TSPAN1: variants seen among roughly 807,000 people sequenced by gnomAD.
TSPAN1 encodes the protein tetraspanin 1, also known as tetraspanin-1.
In TSPAN1, 23 loss-of-function variants were observed where a neutral mutation model predicts 26.9. That is an observed-to-expected ratio of 0.85 (90% confidence interval 0.62 to 1.21). The LOEUF is 1.21. Ranked by LOEUF, TSPAN1 falls within the 50% of genes most tolerant of loss-of-function variation. The pLI is 0.00. For missense variants in TSPAN1, 283 were observed against 298.4 expected (o/e 0.95, Z 0.38); for synonymous variants, 115 against 114.8 (o/e 1.00, Z -0.01).
At chr1:46,189,169 C>T (rs1249129038), downstream of TSPAN1, 2 of 1,524,632 alleles carry the variant, frequency 1.3e-6, no homozygotes, top group South Asian at 1.3e-5. Flanking sequence ...CAAGGTAGCC[C>T]CAGCCCCTAC....
downstream of TSPAN1, chr1:46,189,968 G>T: frequency 6.2e-7 from 1 of 1,614,176 alleles, no homozygotes; most frequent in Non-Finnish European, 8.5e-7. Context: ...GGTTCTTGCT[G>T]TGGTCCAGAA....
At chr1:46,194,613 G>C in the TSPAN1 span, 3 of 1,614,108 alleles carry the variant, frequency 1.9e-6, no homozygotes, top group African/African-American at 2.7e-5. Flanking sequence ...CAGGAAGAGA[G>C]GGCAGGTGAT....
At chr1:46,187,563 C>G (rs775446307), downstream of TSPAN1, among the ~76,000 whole-genome samples, 39 of 152,284 alleles carry the variant, frequency 2.6e-4, 1 homozygote, top group Middle Eastern at 0.034. Flanking sequence ...TCTGTGAGGG[C>G]CAGACCAGGA....
chr1:46,192,657 G>A, the TSPAN1 span: 3 of 1,604,462 alleles, frequency 1.9e-6, no homozygotes, highest in South Asian at 1.1e-5. Flanking sequence ...AGAGATGCTA[G>A]AATTGCTGGA....
downstream of TSPAN1, chr1:46,190,853 C>T: frequency 7.1e-7 from 1 of 1,418,102 alleles, no homozygotes; most frequent in East Asian, 2.3e-5. Flanking sequence ...GCTGACCAGC[C>T]AGACATCTAT....
In TSPAN1 at chr1:46,181,172, C is replaced by T. The variant is rs774271677; in HGVS notation, c.57+8C>T. ...TTCAATTTGCTCATCTTTGTAAGTACGGACATTGTGGACTCTTTGGGGCTC... is the reference window on the plus strand; with the variant it reads ...TTCAATTTGCTCATCTTTGTAAGTATGGACATTGTGGACTCTTTGGGGCTC... On this transcript the variant is annotated splice_region_variant and intron_variant, in intron 3 of 8. Coordinates refer to ENST00000372003, the MANE Select transcript of TSPAN1 (RefSeq NM_005727.4). 22 of 1,611,824 alleles carry T rather than the reference C, an allele frequency of 1.4e-5. No homozygotes were observed. In the African/African-American group the frequency reaches 1.5e-4, roughly 11 times the overall value.
chr1:46,195,947 T>C, the TSPAN1 span: 1 of 1,614,104 alleles, frequency 6.2e-7, no homozygotes, highest in Non-Finnish European at 8.5e-7. Context: ...ATACTTCTGG[T>C]GAGTTGGTGT....
chr1:46,191,922 C>T, the TSPAN1 span: 4 of 1,065,914 alleles, frequency 3.8e-6, no homozygotes, highest in Non-Finnish European at 5.4e-6. Context: ...GCGTGAGCCA[C>T]CGCGCCCAGC....
At chr1:46,180,902 T>C in intron 2 of TSPAN1, among the ~76,000 whole-genome samples, 198 bp from the exon 3 acceptor site, 1 of 151,902 alleles carries the variant, frequency 6.6e-6, no homozygotes, top group East Asian at 1.9e-4. Flanking sequence ...GTGGAGGTCC[T>C]GGGTAGTATA....
At chr1:46,196,212 A>C in the TSPAN1 span, 2 of 1,532,586 alleles carry the variant, frequency 1.3e-6, no homozygotes, top group Non-Finnish European at 1.8e-6. The surrounding 1 kb of genome is among the most constrained non-coding windows in gnomAD (Gnocchi z 4.4). Context: ...TTCTTTTCCA[A>C]CTCAGCTCGA....
chr1:46,193,485 G>A, the TSPAN1 span: 17 of 1,611,922 alleles, frequency 1.1e-5, no homozygotes, highest in Admixed American at 2.0e-4. Context: ...TTGCCTGGGC[G>A]GTCTCCCTTG....
At chr1:46,179,633 A>G (rs1657263563) in intron 1 of TSPAN1, among the ~76,000 whole-genome samples, 1 of 152,210 alleles carries the variant, frequency 6.6e-6, no homozygotes, top group South Asian at 2.1e-4. Context: ...TGGAGCAGGA[A>G]GCGGTCAGGC....
At chr1:46,185,446 T>C in intron 8 of TSPAN1, 40 bp from the exon 9 acceptor site, 1 of 1,613,500 alleles carries the variant, frequency 6.2e-7, no homozygotes, top group Non-Finnish European at 8.5e-7. Context: ...TCAGGATCCC[T>C]ATCATGTTCC....
chr1:46,189,859 C>A (rs749960797), downstream of TSPAN1: 75 of 1,613,702 alleles, frequency 4.6e-5, no homozygotes, highest in Non-Finnish European at 6.1e-5. Flanking sequence ...AGCACCTTGG[C>A]AAGCTGGGTC....
chr1:46,180,767 G>T (rs1482370208), intron 2 of TSPAN1, 109 bp downstream of exon 2: 2 of 344,730 alleles, frequency 5.8e-6, no homozygotes, highest in Non-Finnish European at 1.1e-5. Context: ...TGGGGTTAGT[G>T]TGGGGGGGAG....
At chr1:46,182,812 G>GT (rs1319274112) in intron 3 of TSPAN1, among the ~76,000 whole-genome samples, 2 of 150,778 alleles carry the variant, frequency 1.3e-5, no homozygotes. Context: ...TGTTGTTGTT[G>GT]TTGTTTGTTT....
Position 46,185,649 on chromosome 1 carries a change from T to C in TSPAN1, c.*116T>C. 1 of 1,205,278 alleles carries C rather than the reference T, an allele frequency of 8.3e-7. No individual in the cohort carries two copies. Among genetic ancestry groups the C allele is most frequent in the South Asian group, 1.3e-5 (1 of 75,148 alleles). The allele number at this position is 1,205,278 out of a possible 1,614,324, so 74.7% of individuals were successfully genotyped here. A position where few individuals can be genotyped will look rare whatever the true frequency, so the allele number is the denominator to read the frequency against. ...TCTAACAATGTCACTTGGGCCAGAA[T>C]GGACCTGCCCTTTCTGCTCCAGACT... is the stretch of plus-strand genomic sequence containing the variant. On this transcript the variant is annotated 3_prime_UTR_variant, in exon 9 of 9. Coordinates refer to ENST00000372003, the MANE Select transcript of TSPAN1 (RefSeq NM_005727.4).
At chr1:46,184,721 G>A (rs1657389525) in intron 5 of TSPAN1, 53 bp downstream of exon 5, 1 of 1,613,398 alleles carries the variant, frequency 6.2e-7, no homozygotes, top group Admixed American at 1.7e-5. Context: ...CCCTGGGAGT[G>A]GGCTGTGGCC....
chr1:46,184,373 T>A lies in TSPAN1; in HGVS notation c.240T>A (p.Thr80=), dbSNP rs35000902. 3.1e-6 allele frequency: 5 copies of A among 1,614,034 alleles called. No homozygotes were observed. In the African/African-American group the frequency reaches 4.0e-5, roughly 13 times the overall value. ...TCCTGGGCTGCTATGGTGCTAAGAC[T>A]GAGAGCAAGTGTGCCCTCGTGACGG... ...LGFLGCYGAK[T]ESKCALVTFF... Residue 80 remains threonine, a synonymous_variant, in exon 4 of 9, where the codon ACT becomes ACA. Coordinates refer to ENST00000372003, the MANE Select transcript of TSPAN1 (RefSeq NM_005727.4).
Sources: allele counts gnomAD v4.1 joint callset (sites outside exome capture counted in the v4.1 genomes callset), GRCh38; gene constraint gnomAD v4.1.1; non-coding constraint Gnocchi (gnomAD v3.1); transcripts MANE v1.5; gene names NCBI Gene and HGNC (gene_info 2026-07-23, HGNC 2026-07-21).